Variants in ARHGEF7 observed in about 807,000 individuals in gnomAD.
The protein encoded by ARHGEF7 is PAK-interacting exchange factor beta.
ARHGEF7 carries 33 observed loss-of-function variants against 109.8 expected under a neutral mutation model. That is an observed-to-expected ratio of 0.30 (90% CI 0.23 to 0.40). The LOEUF is 0.40. Ranked by LOEUF, ARHGEF7 falls within the 10% of genes least tolerant of loss-of-function variation. The probability of loss-of-function intolerance (pLI) is 1.00; values close to 1 mark genes in which losing one functional copy is unlikely to be tolerated. For missense variants in ARHGEF7, 938 were observed against 1,098.5 expected, an observed-to-expected ratio of 0.85 and a Z score of 2.07; for synonymous variants, 458 against 424.6, an observed-to-expected ratio of 1.08 and a Z score of -0.97.
chr13:111,124,309 G>C (rs913953163), intron 1 of ARHGEF7, among the ~76,000 whole-genome samples: 1 of 152,250 alleles, frequency 6.6e-6, no homozygotes, highest in Non-Finnish European at 1.5e-5. Flanking sequence ...GAAGTCCTGT[G>C]TGACTGCTGG....
intron 14 of ARHGEF7, 61 bp downstream of exon 14, chr13:111,280,411 G>T: frequency 5.7e-6 from 9 of 1,585,546 alleles, no homozygotes; most frequent in Non-Finnish European, 7.8e-6. Context: ...TTGTCCCCGC[G>T]TGCAGATTCT....
At chr13:111,290,446 AAC>A (rs1567103435) in intron 18 of ARHGEF7, among the ~76,000 whole-genome samples, 1 of 152,234 alleles carries the variant, frequency 6.6e-6, no homozygotes, top group Non-Finnish European at 1.5e-5. Flanking sequence ...GTACAATGCA[AAC>A]ACCATGCCAT....
chr13:111,165,127 A>G (rs555507645), intron 2 of ARHGEF7, among the ~76,000 whole-genome samples: 2 of 152,238 alleles, frequency 1.3e-5, no homozygotes, highest in Admixed American at 6.5e-5. Flanking sequence ...AGAACTTTCT[A>G]CTCACATTAC....
chr13:111,245,444 T>G (rs1381879145), intron 8 of ARHGEF7, among the ~76,000 whole-genome samples: 1 of 152,196 alleles, frequency 6.6e-6, no homozygotes, highest in Non-Finnish European at 1.5e-5. Flanking sequence ...TGATTCTCGC[T>G]CAGCTCATGA....
chr13:111,189,706 C>T (rs113975338), intron 2 of ARHGEF7, among the ~76,000 whole-genome samples: 15,981 of 152,226 alleles, frequency 0.1, 1,151 homozygotes, highest in Middle Eastern at 0.16. Flanking sequence ...GCTGATTGGT[C>T]CATTTTACAG....
chr13:111,252,432 G>A lies in ARHGEF7; in HGVS notation c.950+8138G>A, dbSNP rs2089894680. Among the ~76,000 whole-genome samples, 3 of 152,162 alleles carry A rather than the reference G, an allele frequency of 2.0e-5. No homozygotes were observed. The South Asian group carries it at 6.2e-4, about 31-fold the overall frequency. On this transcript the variant is annotated intron_variant, in intron 8 of 21. Coordinates refer to ENST00000646102, the MANE Select transcript of ARHGEF7 (RefSeq NM_001354046.2). Reference sequence around the variant, plus strand: ...TATGGGGCAGGTGTGAATAGCACAGGCAGAGGCTTCTCCTTCCTAGATGTC... The same window carrying A: ...TATGGGGCAGGTGTGAATAGCACAGACAGAGGCTTCTCCTTCCTAGATGTC...
chr13:111,127,908 T>C (rs1273376262), intron 1 of ARHGEF7, among the ~76,000 whole-genome samples: 1 of 152,016 alleles, frequency 6.6e-6, no homozygotes, highest in Non-Finnish European at 1.5e-5. Flanking sequence ...GAAATAAAAA[T>C]CAATCAATAC....
chr13:111,168,539 G>A (rs1411912186), intron 2 of ARHGEF7, among the ~76,000 whole-genome samples: 1 of 152,082 alleles, frequency 6.6e-6, no homozygotes, highest in Non-Finnish European at 1.5e-5. Flanking sequence ...CATAGAGGTG[G>A]ATAAAATAGG....
intron 2 of ARHGEF7, among the ~76,000 whole-genome samples, chr13:111,184,066 C>T (rs2079012250): frequency 6.6e-6 from 1 of 152,102 alleles, no homozygotes; most frequent in South Asian, 2.1e-4. Flanking sequence ...AGGGCGGGAC[C>T]AGGTGGAGAT....
intron 19 of ARHGEF7, chr13:111,292,818 A>G (rs1023740025): frequency 1.2e-4 from 116 of 992,916 alleles, no homozygotes; most frequent in Admixed American, 1.1e-4. Flanking sequence ...TATGCAGCAA[A>G]GGTGCTGTGA....
intron 1 of ARHGEF7, among the ~76,000 whole-genome samples, chr13:111,125,528 C>T (rs1024974423): frequency 3.3e-5 from 5 of 152,134 alleles, no homozygotes; most frequent in Admixed American, 2.0e-4. Flanking sequence ...AAATGGGCAT[C>T]CACAGCTCCA....
At chr13:111,295,944 T>C (rs932535653) in intron 19 of ARHGEF7, among the ~76,000 whole-genome samples, 2 of 152,236 alleles carry the variant, frequency 1.3e-5, no homozygotes, top group African/African-American at 4.8e-5. Flanking sequence ...GAACTTACCC[T>C]GTTTTTAGGC....
At chr13:111,250,337 G>A (rs1595174114) in intron 8 of ARHGEF7, among the ~76,000 whole-genome samples, 6 of 152,308 alleles carry the variant, frequency 3.9e-5, no homozygotes, top group Admixed American at 2.6e-4. Context: ...TTGTGCACAC[G>A]CTGCCACCAC....
intron 19 of ARHGEF7, among the ~76,000 whole-genome samples, chr13:111,300,519 T>C (rs2093540281): frequency 2.0e-5 from 3 of 152,238 alleles, no homozygotes; most frequent in Admixed American, 1.3e-4. Context: ...TGAAAAGGGC[T>C]ACAGTTTCCT....
chr13:111,292,020 C>A (rs2153627025), intron 18 of ARHGEF7, 98 bp from the exon 19 acceptor site: 1 of 979,420 alleles, frequency 1.0e-6, no homozygotes, highest in South Asian at 1.5e-5. Context: ...CTTCCCATCA[C>A]CTTTTGCTTT....
At chr13:111,154,532 C>T (rs1417376252) in intron 2 of ARHGEF7, among the ~76,000 whole-genome samples, 2 of 152,268 alleles carry the variant, frequency 1.3e-5, no homozygotes, top group African/African-American at 2.4e-5. Context: ...GGTGGTTTTT[C>T]CGTACCCTCA....
intron 21 of ARHGEF7, 115 bp from the exon 22 acceptor site, chr13:111,302,876 T>C: frequency 7.4e-7 from 1 of 1,351,484 alleles, no homozygotes; most frequent in Non-Finnish European, 1.0e-6. Context: ...CATAGGCAGC[T>C]CACGTGGGAT....
chr13:111,288,297 C>G, intron 17 of ARHGEF7, 57 bp from the exon 18 acceptor site: 3 of 1,198,474 alleles, frequency 2.5e-6, no homozygotes, highest in Non-Finnish European at 3.6e-6. Flanking sequence ...ATTCGTCTCG[C>G]CAGTTGCCCT....
chr13:111,226,592 A>G (rs942688912), intron 5 of ARHGEF7, among the ~76,000 whole-genome samples: 5 of 152,118 alleles, frequency 3.3e-5, no homozygotes, highest in African/African-American at 9.7e-5. Context: ...GAGACCTCCC[A>G]CTCAGGAAAA....
Sources: allele counts gnomAD v4.1 joint callset (sites outside exome capture counted in the v4.1 genomes callset), GRCh38; gene constraint gnomAD v4.1.1; transcripts MANE v1.5; gene names NCBI Gene and HGNC (gene_info 2026-07-23, HGNC 2026-07-21).